The following TMEM135 variants were observed in gnomAD, a reference collection of about 807,000 sequenced individuals.
TMEM135 encodes the protein transmembrane protein 135.
In TMEM135, 30 loss-of-function variants were observed where a neutral mutation model predicts 60.3. The observed-to-expected ratio is 0.50, with a 90% CI of 0.37 to 0.68. The LOEUF (loss-of-function observed/expected upper bound fraction) is 0.68. Ranked by LOEUF, TMEM135 falls within the 30% of genes least tolerant of loss-of-function variation. The pLI is 0.00. For missense variants in TMEM135, 468 were observed against 548.8 expected (o/e 0.85, Z 1.47); for synonymous variants, 190 against 186.7 (o/e 1.02, Z -0.14).
chr11:87,293,975 C>T lies in TMEM135; in HGVS notation c.510-1807C>T, dbSNP rs532589632. Among the ~76,000 whole-genome samples, 6 of 152,312 alleles carry T rather than the reference C, an allele frequency of 3.9e-5. No individual in the cohort carries two copies. In the East Asian group the frequency reaches 7.7e-4, roughly 20 times the overall value. On this transcript the variant is annotated intron_variant, in intron 6 of 14. Transcript: ENST00000305494. ...ATGGTTGAACTAATTTACATTCCCA[C>T]CAACAGTGTAAAAGCATTCCTACTT...
At chr11:87,150,505 A>G (rs1477770658) in intron 4 of TMEM135, among the ~76,000 whole-genome samples, 1 of 152,268 alleles carries the variant, frequency 6.6e-6, no homozygotes, top group Non-Finnish European at 1.5e-5. Flanking sequence ...ATGGTAATAC[A>G]TAAATTTTGT....
At chr11:87,221,578 C>A (rs1940617230) in intron 5 of TMEM135, among the ~76,000 whole-genome samples, 1 of 152,122 alleles carries the variant, frequency 6.6e-6, no homozygotes, top group Non-Finnish European at 1.5e-5. Context: ...ATTCTTGATG[C>A]TCTCTGTACA....
At chr11:87,169,649 A>C (rs1030871951) in intron 5 of TMEM135, among the ~76,000 whole-genome samples, 8 of 152,258 alleles carry the variant, frequency 5.3e-5, no homozygotes, top group African/African-American at 1.9e-4. Context: ...TCTTGCTTGT[A>C]GGGTTTCTGT....
rs368902111 is a variant in TMEM135 at position 87,217,651 on chromosome 11, G to A, written c.463-18987G>A. On this transcript the variant is annotated intron_variant, in intron 5 of 14. Coordinates refer to ENST00000305494, the MANE Select transcript of TMEM135 (RefSeq NM_022918.4). ...ATATGCAAAGTTAGTTCGGCGTGGC[G>A]GCTCATGCCTGTAATCCCAGCTACT... is the stretch of plus-strand genomic sequence containing the variant. Among the ~76,000 whole-genome samples, 99 of 152,226 alleles carry A rather than the reference G, an allele frequency of 6.5e-4. 1 individual carries two copies. The South Asian group carries it at 0.019, about 30-fold the overall frequency.
chr11:87,262,098 A>G (rs979542640), intron 6 of TMEM135, among the ~76,000 whole-genome samples: 4 of 152,032 alleles, frequency 2.6e-5, no homozygotes, highest in Non-Finnish European at 5.9e-5. Context: ...ATCTATAAAT[A>G]AGTATTTAAA....
At chr11:87,233,693 G>T (rs894543096) in intron 5 of TMEM135, among the ~76,000 whole-genome samples, 1 of 151,958 alleles carries the variant, frequency 6.6e-6, no homozygotes, top group Non-Finnish European at 1.5e-5. Context: ...TGTCCTTGAG[G>T]GTCAGAATTA....
chr11:87,075,382 C>T (rs1293210857), intron 3 of TMEM135, among the ~76,000 whole-genome samples: 2 of 152,074 alleles, frequency 1.3e-5, no homozygotes, highest in East Asian at 3.9e-4. Flanking sequence ...TTTCGATCTC[C>T]GGACCTCGTG....
chr11:87,047,045 C>G (rs1286373978), intron 1 of TMEM135, among the ~76,000 whole-genome samples: 5 of 152,160 alleles, frequency 3.3e-5, no homozygotes, highest in Non-Finnish European at 7.3e-5. Context: ...GCCCATAACT[C>G]TCCAGGGACT....
chr11:87,311,120 TATAC>T (rs1049140551), intron 10 of TMEM135, among the ~76,000 whole-genome samples: 2 of 151,198 alleles, frequency 1.3e-5, no homozygotes, highest in African/African-American at 4.9e-5. Context: ...TATATATATA[TATAC>T]GTACACATAT....
chr11:87,227,439 G>A (rs534003848), intron 5 of TMEM135, among the ~76,000 whole-genome samples: 4 of 151,910 alleles, frequency 2.6e-5, no homozygotes, highest in African/African-American at 9.6e-5. Flanking sequence ...TTCTAGTCTG[G>A]CATTTTTGGC....
rs1470054473 is a variant in TMEM135, at chr11:87,324,424, T to C, written c.*3091T>C. 8.8e-6 allele frequency: 4 copies of C among 453,840 alleles called. No homozygotes were observed. Among genetic ancestry groups the C allele is most frequent in the Non-Finnish European group, 1.8e-5 (4 of 226,760 alleles). 28.1% of individuals were successfully genotyped at this position (453,840 alleles called of 1,614,324 possible). A position where few individuals can be genotyped will look rare whatever the true frequency, so the allele number is the denominator to read the frequency against. ...GATTCCTTAAATTCTCCGTGTGATTTATTTTTTTATTTTTTGAGTTGAGGT... is the reference window on the plus strand; with the variant it reads ...GATTCCTTAAATTCTCCGTGTGATTCATTTTTTTATTTTTTGAGTTGAGGT... On this transcript the variant is annotated 3_prime_UTR_variant, in exon 15 of 15. Coordinates refer to ENST00000305494, the MANE Select transcript of TMEM135 (RefSeq NM_022918.4).
intron 4 of TMEM135, among the ~76,000 whole-genome samples, chr11:87,140,306 A>G (rs1163272086): frequency 1.3e-5 from 2 of 152,124 alleles, no homozygotes; most frequent in East Asian, 1.9e-4. Context: ...TGACCTCGTG[A>G]TCCGCCTGCC....
chr11:87,276,665 A>ATTTTTTTTTTT (rs11340916), intron 6 of TMEM135, among the ~76,000 whole-genome samples: 4 of 115,634 alleles, frequency 3.5e-5, no homozygotes, highest in Non-Finnish European at 5.1e-5. Context: ...GTGTTTGTGA[A>ATTTTTTTTTTT]TTTTTTTTTT....
intron 5 of TMEM135, among the ~76,000 whole-genome samples, chr11:87,231,847 T>C (rs1283937055): frequency 6.6e-6 from 1 of 152,042 alleles, no homozygotes; most frequent in Non-Finnish European, 1.5e-5. Context: ...ATGAAAAGCT[T>C]ACTGGATTGT....
intron 5 of TMEM135, among the ~76,000 whole-genome samples, chr11:87,194,613 GCACC>G (rs751831122): frequency 2.6e-5 from 4 of 152,074 alleles, no homozygotes; most frequent in Non-Finnish European, 5.9e-5. Context: ...ACAAATTAAA[GCACC>G]CATAAAAACT....
chr11:87,170,326 T>TC (rs34575204), intron 5 of TMEM135, among the ~76,000 whole-genome samples: 55,626 of 151,856 alleles, frequency 0.37, 10,713 homozygotes, highest in East Asian at 0.67. Flanking sequence ...TTTGTTTCCT[T>TC]CTGGCCAGGA....
intron 5 of TMEM135, among the ~76,000 whole-genome samples, chr11:87,170,521 A>G (rs1273609015): frequency 6.6e-6 from 1 of 151,914 alleles, no homozygotes; most frequent in Non-Finnish European, 1.5e-5. Flanking sequence ...TGTTTGTTAA[A>G]TTTTCTTTCT....
intron 6 of TMEM135, 77 bp from the exon 7 acceptor site, chr11:87,295,705 A>C: frequency 7.8e-7 from 1 of 1,280,238 alleles, no homozygotes; most frequent in Non-Finnish European, 1.1e-6. Flanking sequence ...TTAAAACATT[A>C]TTTTCAGAAA....
At chr11:87,263,375 C>T (rs1941690333) in intron 6 of TMEM135, among the ~76,000 whole-genome samples, 1 of 152,134 alleles carries the variant, frequency 6.6e-6, no homozygotes, top group Admixed American at 6.5e-5. Context: ...CTGTCCTCTT[C>T]TCCATTCCTT....
Sources: allele counts gnomAD v4.1 joint callset (sites outside exome capture counted in the v4.1 genomes callset), GRCh38; gene constraint gnomAD v4.1.1; transcripts MANE v1.5; gene names NCBI Gene and HGNC (gene_info 2026-07-23, HGNC 2026-07-21).